RBFOX1: variants seen among roughly 807,000 people sequenced by gnomAD.
RBFOX1 encodes the protein RNA binding protein fox-1 homolog 1.
In RBFOX1, 8 loss-of-function variants were observed where a neutral mutation model predicts 57.7. That is an observed-to-expected ratio of 0.14 (90% confidence interval 0.08 to 0.25). The LOEUF (loss-of-function observed/expected upper bound fraction) is 0.25. RBFOX1 is among the 10% of genes least tolerant of loss of function. The pLI is 1.00. For missense variants in RBFOX1, 611 were observed against 548.5 expected (o/e 1.11, Z -1.14); for synonymous variants, 326 against 222.4 (o/e 1.47, Z -4.15).
chr16:6,013,366 A>C (rs1206229986), intron 4 of RBFOX1, among the ~76,000 whole-genome samples: 5 of 152,230 alleles, frequency 3.3e-5, no homozygotes, highest in Non-Finnish European at 7.3e-5. Flanking sequence ...ATTTGTTTCC[A>C]AAGTGTTCTT....
At chr16:6,774,869 G>A (rs1052567136) in intron 3 of RBFOX1, among the ~76,000 whole-genome samples, 1 of 151,994 alleles carries the variant, frequency 6.6e-6, no homozygotes, top group African/African-American at 2.4e-5. Flanking sequence ...CAACTGAGGG[G>A]CTTTTAAAAT....
intron 3 of RBFOX1, among the ~76,000 whole-genome samples, chr16:5,769,975 ACTC>A (rs1231889667): frequency 5.3e-5 from 8 of 152,134 alleles, no homozygotes; most frequent in Non-Finnish European, 1.2e-4. Flanking sequence ...AGAGACTTGT[ACTC>A]CTCTGGCTAA....
At chr16:6,971,369 C>G (rs1045520906) in intron 3 of RBFOX1, among the ~76,000 whole-genome samples, 1 of 151,758 alleles carries the variant, frequency 6.6e-6, no homozygotes, top group Admixed American at 6.6e-5. Context: ...GATGACTCAG[C>G]CTAAAGTGGG....
At chr16:7,034,791 C>T (rs1273528698) in intron 3 of RBFOX1, among the ~76,000 whole-genome samples, 5 of 141,192 alleles carry the variant, frequency 3.5e-5, no homozygotes, top group Non-Finnish European at 7.6e-5. Context: ...ATTTCTAATT[C>T]ACTTGGTCTG....
At chr16:5,466,200 G>T (rs944566725) in intron 1 of RBFOX1, among the ~76,000 whole-genome samples, 2 of 152,268 alleles carry the variant, frequency 1.3e-5, no homozygotes, top group African/African-American at 2.4e-5. Context: ...TTCTTGGCTT[G>T]AAGAGTGATG....
intron 1 of RBFOX1, among the ~76,000 whole-genome samples, chr16:6,065,279 C>G (rs1187673153): frequency 6.6e-6 from 1 of 151,624 alleles, no homozygotes; most frequent in African/African-American, 2.4e-5. Context: ...AAGCAATCCT[C>G]CCATCTTGGC....
chr16:5,788,971 A>G (rs2054600960), intron 3 of RBFOX1, among the ~76,000 whole-genome samples: 1 of 152,130 alleles, frequency 6.6e-6, no homozygotes, highest in African/African-American at 2.4e-5. Flanking sequence ...TGCCTACCCT[A>G]TGTGGGAGTC....
At chr16:6,112,801 C>T (rs1280560349) in intron 1 of RBFOX1, among the ~76,000 whole-genome samples, 1 of 152,172 alleles carries the variant, frequency 6.6e-6, no homozygotes, top group Non-Finnish European at 1.5e-5. Flanking sequence ...ACTTAGCGGG[C>T]ATTTGGAGGA....
upstream of RBFOX1, among the ~76,000 whole-genome samples, chr16:6,017,006 C>T (rs1286897915): frequency 6.6e-6 from 1 of 152,214 alleles, no homozygotes; most frequent in African/African-American, 2.4e-5. Flanking sequence ...ACACTCATCA[C>T]TAATCTATCT....
At chr16:7,653,753 C>T in intron 11 of RBFOX1, 62 bp from the exon 12 acceptor site, 1 of 1,598,170 alleles carries the variant, frequency 6.3e-7, no homozygotes, top group Non-Finnish European at 8.5e-7. Context: ...GCAGTTCCCT[C>T]CACAGCAGGG....
intron 2 of RBFOX1, among the ~76,000 whole-genome samples, chr16:6,368,725 C>G (rs548939983): frequency 1.3e-5 from 2 of 152,290 alleles, no homozygotes; most frequent in African/African-American, 4.8e-5. Flanking sequence ...GTCATATGTA[C>G]CAGTCCATGT....
At chr16:7,309,418 T>C (rs2096262489) in intron 4 of RBFOX1, among the ~76,000 whole-genome samples, 1 of 152,212 alleles carries the variant, frequency 6.6e-6, no homozygotes, top group South Asian at 2.1e-4. Context: ...TAAGCATCTG[T>C]TCATCCACAG....
At chr16:6,737,079 A>G (rs888438267) in intron 3 of RBFOX1, among the ~76,000 whole-genome samples, 2 of 152,230 alleles carry the variant, frequency 1.3e-5, no homozygotes, top group East Asian at 1.9e-4. Context: ...TTCAGTGGGC[A>G]GTGAAAAATC....
intron 2 of RBFOX1, among the ~76,000 whole-genome samples, chr16:5,502,964 A>G (rs2043252279): frequency 6.6e-6 from 1 of 152,230 alleles, no homozygotes; most frequent in South Asian, 2.1e-4. Flanking sequence ...GATTGCTTGG[A>G]TCATTCTATT....
intron 2 of RBFOX1, among the ~76,000 whole-genome samples, chr16:6,504,271 T>G (rs2096026497): frequency 6.6e-6 from 1 of 152,154 alleles, no homozygotes; most frequent in African/African-American, 2.4e-5. Context: ...AGTCCACCTG[T>G]TGGGAATCTA....
intron 1 of RBFOX1, among the ~76,000 whole-genome samples, chr16:6,153,784 C>T (rs758736175): frequency 1.8e-4 from 28 of 152,160 alleles, no homozygotes; most frequent in Non-Finnish European, 3.1e-4. Context: ...GATCTGCCCA[C>T]CTCTTCCTCC....
At chr16:5,687,426 A>C (rs2050538439) in intron 3 of RBFOX1, among the ~76,000 whole-genome samples, 1 of 152,210 alleles carries the variant, frequency 6.6e-6, no homozygotes, top group Non-Finnish European at 1.5e-5. Flanking sequence ...TCTGTAAAAT[A>C]AGACACTGAT....
intron 3 of RBFOX1, among the ~76,000 whole-genome samples, chr16:5,679,934 C>A (rs528856463): frequency 6.6e-6 from 1 of 152,176 alleles, no homozygotes; most frequent in African/African-American, 2.4e-5. Flanking sequence ...ATTCATGCTT[C>A]CTGTCATTGC....
intron 2 of RBFOX1, among the ~76,000 whole-genome samples, chr16:5,534,187 G>T (rs1176546613): frequency 2.0e-5 from 3 of 152,084 alleles, no homozygotes; most frequent in Non-Finnish European, 4.4e-5. Flanking sequence ...GGGAAAGGGG[G>T]AATTGGGCAT....
Sources: allele counts gnomAD v4.1 joint callset (sites outside exome capture counted in the v4.1 genomes callset), GRCh38; gene constraint gnomAD v4.1.1; transcripts MANE v1.5; gene names NCBI Gene and HGNC (gene_info 2026-07-23, HGNC 2026-07-21).